Variants in GKAP1 observed in about 807,000 individuals in gnomAD.
GKAP1 encodes the protein G kinase anchoring protein 1, also known as G kinase-anchoring protein 1.
Under a neutral mutation model 56.7 loss-of-function variants are expected in GKAP1, and 31 were observed. The observed-to-expected ratio is 0.55, with a 90% CI of 0.41 to 0.74. GKAP1 has a LOEUF of 0.74. Among genes scored for constraint, GKAP1 ranks in the 30% least tolerant of loss-of-function variants. The pLI, the probability that GKAP1 is intolerant of heterozygous loss-of-function variation, is 0.00. For missense variants in GKAP1, 364 were observed against 402.3 expected, an observed-to-expected ratio of 0.90 and a Z score of 0.82; for synonymous variants, 151 against 138.6, an observed-to-expected ratio of 1.09 and a Z score of -0.63.
chr9:83,808,878 C>A (rs140000470), intron 2 of GKAP1, among the ~76,000 whole-genome samples: 62 of 152,300 alleles, frequency 4.1e-4, no homozygotes, highest in African/African-American at 1.3e-3. Context: ...TGTGGTTCAA[C>A]ATGTTCTCTT....
At chr9:83,774,850 A>C (rs1943829330) in intron 7 of GKAP1, among the ~76,000 whole-genome samples, 1 of 150,598 alleles carries the variant, frequency 6.6e-6, no homozygotes, top group Admixed American at 6.6e-5. Flanking sequence ...CTGGGACTAC[A>C]GGTGCATGCC....
intron 1 of GKAP1, 80 bp downstream of exon 1, chr9:83,817,437 G>A (rs866764969): frequency 6.6e-6 from 1 of 151,774 alleles, no homozygotes; most frequent in Admixed American, 6.6e-5. Context: ...GCGCCGAGGG[G>A]AGCGCTGTCG....
intron 7 of GKAP1, among the ~76,000 whole-genome samples, chr9:83,779,625 A>T (rs1943937750): frequency 6.7e-6 from 1 of 149,554 alleles, no homozygotes; most frequent in African/African-American, 2.5e-5. Flanking sequence ...ACACACACAC[A>T]CACACACACA....
At chr9:83,803,986 C>T (rs1421412007) in intron 3 of GKAP1, among the ~76,000 whole-genome samples, 4 of 150,994 alleles carry the variant, frequency 2.6e-5, no homozygotes, top group African/African-American at 9.8e-5. Context: ...CCAGCCGCCC[C>T]GTCTGAGAAG....
At chr9:83,757,986 T>TG (rs1227225041) in intron 8 of GKAP1, among the ~76,000 whole-genome samples, 1 of 152,044 alleles carries the variant, frequency 6.6e-6, no homozygotes, top group African/African-American at 2.4e-5. Flanking sequence ...AAGGTATCCA[T>TG]CAAACAACAG....
At chr9:83,817,331 G>C (rs1240561698) in intron 1 of GKAP1, 186 bp downstream of exon 1, 1 of 151,996 alleles carries the variant, frequency 6.6e-6, no homozygotes, top group Admixed American at 6.5e-5. Context: ...GCCTTGCGCC[G>C]AGCGTCGGGC....
chr9:83,770,412 C>G (rs1943737366), intron 7 of GKAP1, among the ~76,000 whole-genome samples: 1 of 152,114 alleles, frequency 6.6e-6, no homozygotes, highest in Non-Finnish European at 1.5e-5. Context: ...ATTCTTTTGC[C>G]CTTTTAACTG....
At chr9:83,776,299 G>C (rs1379363117) in intron 7 of GKAP1, among the ~76,000 whole-genome samples, 1 of 152,028 alleles carries the variant, frequency 6.6e-6, no homozygotes, top group Non-Finnish European at 1.5e-5. Flanking sequence ...ATAGAAAATA[G>C]GTTGAATCTT....
intron 3 of GKAP1, among the ~76,000 whole-genome samples, chr9:83,805,474 A>T (rs962643782): frequency 1.3e-4 from 19 of 147,884 alleles, no homozygotes; most frequent in Admixed American, 2.7e-4. Context: ...AAAAAAAATA[A>T]AAAATAAAAA....
At chr9:83,788,819 T>A (rs1202478948) in intron 4 of GKAP1, 141 bp from the exon 5 acceptor site, 1 of 479,602 alleles carries the variant, frequency 2.1e-6, no homozygotes, top group Non-Finnish European at 3.7e-6. Flanking sequence ...TATCTAACCA[T>A]GCCAAACTAG....
intron 7 of GKAP1, among the ~76,000 whole-genome samples, chr9:83,771,156 A>C (rs1240273061): frequency 2.0e-5 from 3 of 151,864 alleles, no homozygotes; most frequent in Non-Finnish European, 2.9e-5. Flanking sequence ...TCACCCCTTT[A>C]GGTTCAAGCG....
At chr9:83,784,379 T>C (rs1241558522) in intron 6 of GKAP1, among the ~76,000 whole-genome samples, 1 of 152,178 alleles carries the variant, frequency 6.6e-6, no homozygotes, top group Non-Finnish European at 1.5e-5. Context: ...TGGGATTGGT[T>C]ATAAAAGGGC....
rs1289869994 is a variant in GKAP1, at chr9:83,817,000, T to G, written c.-48A>C. 1 of 152,186 alleles carries G rather than the reference T, an allele frequency of 6.6e-6. No individual in the cohort carries two copies. The allele number at this position is 152,186 out of a possible 1,614,324, so 9.4% of individuals were successfully genotyped here. A position where few individuals can be genotyped will look rare whatever the true frequency, so the allele number is the denominator to read the frequency against. On this transcript the variant is annotated 5_prime_UTR_variant, in exon 2 of 13. It removes an upstream start codon present in the reference 5' UTR. Coordinates refer to ENST00000376371, the MANE Select transcript of GKAP1 (RefSeq NM_025211.4). ...TCAAAAAGTAATTCACTATACCTCATTCATGAATGAAAGCCAAATTTCACC... is the reference window on the plus strand; with the variant it reads ...TCAAAAAGTAATTCACTATACCTCAGTCATGAATGAAAGCCAAATTTCACC...
intron 4 of GKAP1, among the ~76,000 whole-genome samples, chr9:83,797,345 C>T (rs969118197): frequency 2.0e-5 from 3 of 152,214 alleles, no homozygotes; most frequent in Non-Finnish European, 2.9e-5. Context: ...ACACCCCCTA[C>T]ATTGTATGCT....
At chr9:83,813,604 A>T (rs1488178271) in intron 2 of GKAP1, among the ~76,000 whole-genome samples, 1 of 152,210 alleles carries the variant, frequency 6.6e-6, no homozygotes, top group Non-Finnish European at 1.5e-5. Context: ...ATAAATGATA[A>T]AACTAATTTC....
chr9:83,759,577 T>G (rs756702730), intron 8 of GKAP1, among the ~76,000 whole-genome samples: 1 of 152,250 alleles, frequency 6.6e-6, no homozygotes, highest in East Asian at 1.9e-4. Flanking sequence ...ACTTCTCTTA[T>G]TCTTTTGCTA....
chr9:83,761,047 C>T (rs191421760), intron 8 of GKAP1, among the ~76,000 whole-genome samples: 1 of 144,202 alleles, frequency 6.9e-6, no homozygotes, highest in African/African-American at 2.6e-5. Flanking sequence ...ATGAAGAAAG[C>T]AATACAAAAG....
intron 4 of GKAP1, among the ~76,000 whole-genome samples, chr9:83,793,726 TAG>T (rs1456964468): frequency 7.2e-5 from 11 of 152,294 alleles, no homozygotes; most frequent in African/African-American, 2.4e-4. Flanking sequence ...ACAGTGAATA[TAG>T]AATATAAACG....
intron 4 of GKAP1, among the ~76,000 whole-genome samples, chr9:83,794,513 G>C (rs1465655644): frequency 6.6e-6 from 1 of 152,096 alleles, no homozygotes; most frequent in Non-Finnish European, 1.5e-5. Context: ...TTTATCAAAT[G>C]AACTGAAGGA....
Sources: gnomAD v4.1 joint callset for allele counts (sites outside exome capture counted in the v4.1 genomes callset) on GRCh38, gnomAD v4.1.1 for gene constraint, MANE v1.5 for transcripts, NCBI Gene and HGNC (gene_info 2026-07-23, HGNC 2026-07-21) for gene names.